The following GAN variants were observed in gnomAD, a reference collection of about 807,000 sequenced individuals.
The protein encoded by GAN is epididymis secretory sperm binding protein.
GAN carries 48 observed loss-of-function variants against 71.3 expected under a neutral mutation model. The observed-to-expected ratio is 0.67, with a 90% CI of 0.53 to 0.86. GAN has a LOEUF of 0.86. Ranked by LOEUF, GAN falls within the 40% of genes least tolerant of loss-of-function variation. The pLI is 0.00. For missense variants in GAN, 928 were observed against 770.1 expected (o/e 1.21, Z -2.43); for synonymous variants, 386 against 276.8 (o/e 1.39, Z -3.92).
At chr16:81,335,707 A>G (rs1293955923) in intron 1 of GAN, among the ~76,000 whole-genome samples, 1 of 141,674 alleles carries the variant, frequency 7.1e-6, no homozygotes, top group Non-Finnish European at 1.5e-5. Context: ...AGATCACGAC[A>G]CTGCGCTCCA....
At chr16:81,364,265 T>G (rs1452087493) in intron 7 of GAN, among the ~76,000 whole-genome samples, 1 of 152,198 alleles carries the variant, frequency 6.6e-6, no homozygotes, top group Non-Finnish European at 1.5e-5. Context: ...TCTTACTCTC[T>G]CTCTCTCTTT....
intron 1 of GAN, among the ~76,000 whole-genome samples, chr16:81,340,674 G>A (rs1909912025): frequency 6.6e-6 from 1 of 152,040 alleles, no homozygotes; most frequent in African/African-American, 2.4e-5. Context: ...CCACAAAGAT[G>A]GGGAGAAACC....
intron 1 of GAN, among the ~76,000 whole-genome samples, chr16:81,347,983 C>T (rs543556314): frequency 1.3e-5 from 2 of 151,910 alleles, no homozygotes; most frequent in East Asian, 3.9e-4. Context: ...GTTTTCTTAA[C>T]TTATCTCTCA....
At chr16:81,316,539 A>T (rs1909049464) in intron 1 of GAN, among the ~76,000 whole-genome samples, 2 of 152,156 alleles carry the variant, frequency 1.3e-5, no homozygotes, top group Non-Finnish European at 2.9e-5. Flanking sequence ...TTAGTACAGA[A>T]TTTGGATTGC....
chr16:81,341,594 G>C (rs1329535619), intron 1 of GAN, among the ~76,000 whole-genome samples: 2 of 152,124 alleles, frequency 1.3e-5, no homozygotes, highest in Non-Finnish European at 2.9e-5. Context: ...AGAGATTTTT[G>C]TCACCACCAG....
At chr16:81,355,938 A>G (rs113324348) in intron 3 of GAN, among the ~76,000 whole-genome samples, 2 of 152,240 alleles carry the variant, frequency 1.3e-5, no homozygotes, top group African/African-American at 4.8e-5. Flanking sequence ...TCTGCTTTCC[A>G]TGTTAGTTGG....
chr16:81,342,786 C>G (rs1034924605), intron 1 of GAN, among the ~76,000 whole-genome samples: 7 of 152,074 alleles, frequency 4.6e-5, no homozygotes, highest in African/African-American at 1.7e-4. Flanking sequence ...AAGATCAGAG[C>G]AGAACTGAAG....
intron 1 of GAN, among the ~76,000 whole-genome samples, chr16:81,345,939 T>C (rs1218692822): frequency 1.3e-5 from 2 of 152,190 alleles, no homozygotes; most frequent in Admixed American, 1.3e-4. Context: ...ATCCTTCACA[T>C]GCCCAGTTCA....
intron 1 of GAN, among the ~76,000 whole-genome samples, chr16:81,334,716 AC>A (rs1337568770): frequency 6.6e-6 from 1 of 152,116 alleles, no homozygotes; most frequent in Non-Finnish European, 1.5e-5. Flanking sequence ...TTGAGGACAA[AC>A]CAGTGGGATG....
At position 81,315,789 on chromosome 16, in the gene GAN, C is replaced by G. The variant is rs545789112; in HGVS notation, c.167+509C>G. On this transcript the variant is annotated intron_variant, in intron 1 of 10. Coordinates refer to ENST00000648994, the MANE Select transcript of GAN (RefSeq NM_022041.4). ...CCGGCGCCGCCAACCAGGCGGGGAG[C>G]GCCCTGCCCGCTGGGAGGCCAGACA... Among the ~76,000 whole-genome samples the G allele has an allele frequency of 1.6e-3, 240 of 152,378 alleles. 1 individual carries two copies. Among genetic ancestry groups the G allele is most frequent in the African/African-American group, 5.5e-3 (228 of 41,600 alleles).
intron 1 of GAN, among the ~76,000 whole-genome samples, chr16:81,337,019 C>A (rs1465363373): frequency 6.6e-6 from 1 of 152,084 alleles, no homozygotes; most frequent in African/African-American, 2.4e-5. Flanking sequence ...ACAAATGTGT[C>A]ATGACATGGA....
chr16:81,359,255 A>G (rs1910591350), intron 5 of GAN, among the ~76,000 whole-genome samples: 2 of 152,212 alleles, frequency 1.3e-5, no homozygotes, highest in Non-Finnish European at 2.9e-5. Context: ...CGTCTGTCAC[A>G]AAGGCTCCTA....
chr16:81,343,828 G>C (rs1030115216), intron 1 of GAN, among the ~76,000 whole-genome samples: 1 of 152,162 alleles, frequency 6.6e-6, no homozygotes, highest in African/African-American at 2.4e-5. Context: ...AAGTCAAATT[G>C]TCTCTGTTTG....
At position 81,387,748 on chromosome 16, in the gene GAN, A is replaced by G. The variant is rs2608561; in HGVS notation, c.*10152A>G. 0.93 allele frequency: 141,323 copies of G among 152,100 alleles called. 65,770 individuals are homozygous for G. The highest frequency in any genetic ancestry group is 0.99 in the East Asian group (5,118 of 5,174). 9.4% of individuals were successfully genotyped at this position (152,100 alleles called of 1,614,324 possible). ...GGAGAATCACTTGACCCCAGGAGGC[A>G]GAGGTTGAAGTGAGCCAGGATTGTG... On this transcript the variant is annotated 3_prime_UTR_variant, in exon 11 of 11. Transcript: ENST00000648994.
In GAN at chr16:81,390,759, C is replaced by A. The variant is rs1332883594; in HGVS notation, c.*13163C>A. The A allele has an allele frequency of 6.6e-6, 1 of 152,226 alleles. No homozygotes were observed. The highest frequency in any genetic ancestry group is 1.9e-4 in the East Asian group (1 of 5,204). The allele number at this position is 152,226 out of a possible 1,614,324, so 9.4% of individuals were successfully genotyped here. ...TAGAAGGGTACCACACAAAAGGAAT[C>A]ATCTTTAAGCTGTTTAATTAACCTA... On this transcript the variant is annotated 3_prime_UTR_variant, in exon 11 of 11. Transcript: ENST00000648994.
At position 81,377,336 on chromosome 16, in the gene GAN, TG is replaced by T. The variant is rs1567501276; in HGVS notation, c.1612+9del. ...TTGGAGATCTTGATACAGGTAAGAG[TG>T]TTACAGTGATTTTCTTGGAACTGTT... On this transcript the variant is annotated intron_variant, in intron 10 of 10. Transcript: ENST00000648994. 6.3e-7 allele frequency: 1 copy of T among 1,579,406 alleles called. No individual in the cohort carries two copies. Among genetic ancestry groups the T allele is most frequent in the African/African-American group, 1.3e-5 (1 of 74,340 alleles).
intron 9 of GAN, among the ~76,000 whole-genome samples, chr16:81,373,568 A>G (rs1432559701): frequency 6.6e-6 from 1 of 152,228 alleles, no homozygotes; most frequent in Non-Finnish European, 1.5e-5. Context: ...TGACCGTAGT[A>G]CAAGCATCAA....
In GAN at chr16:81,356,807, C is replaced by T. The variant is rs1414021244; in HGVS notation, c.656C>T (p.Ser219Leu). Residue 219 changes from serine (S) to leucine (L), a missense_variant, in exon 4 of 11, where the codon TCA (serine) becomes TTA (leucine). By Grantham distance (145) the Ser-to-Leu change is moderately radical (BLOSUM62 -2). Coordinates refer to ENST00000648994, the MANE Select transcript of GAN (RefSeq NM_022041.4). ...IRKVHMKDVM[S>L]ALWVSGLDSS... is the part of the protein sequence containing the mutation. ...CAGGTCCACATGAAGGATGTTATGT[C>T]AGCTCTGTGGGTTTCAGGGTTGGAC... 4 of 1,612,792 alleles carry T rather than the reference C, an allele frequency of 2.5e-6. No individual in the cohort carries two copies. Among genetic ancestry groups the T allele is most frequent in the Non-Finnish European group, 3.4e-6 (4 of 1,178,884 alleles).
Position 81,377,758 on chromosome 16 carries a change from G to A in GAN, c.*162G>A. 1 of 711,040 alleles carries A rather than the reference G, an allele frequency of 1.4e-6. No homozygotes were observed. Among genetic ancestry groups the A allele is most frequent in the Non-Finnish European group, 2.5e-6 (1 of 402,748 alleles). The allele number at this position is 711,040 out of a possible 1,614,324, so 44.0% of individuals were successfully genotyped here. ...CTTACAAACTTGAGCTTTAGCTCTT[G>A]TTTGGGAGAACACGTAACTGTTGAA... On this transcript the variant is annotated 3_prime_UTR_variant, in exon 11 of 11. Coordinates refer to ENST00000648994, the MANE Select transcript of GAN (RefSeq NM_022041.4).
Sources: allele counts gnomAD v4.1 joint callset (sites outside exome capture counted in the v4.1 genomes callset), GRCh38; gene constraint gnomAD v4.1.1; transcripts MANE v1.5; gene names NCBI Gene and HGNC (gene_info 2026-07-23, HGNC 2026-07-21).